The following TBC1D5 variants were observed in gnomAD, a reference collection of about 807,000 sequenced individuals.
TBC1D5 encodes the protein TBC1 domain family, member 5.
A neutral mutation model predicts 100.3 loss-of-function variants in TBC1D5; 75 were observed. The ratio of observed to expected loss-of-function variants is 0.75; its 90% confidence interval spans 0.62 to 0.91. The LOEUF is 0.91. TBC1D5 is among the 40% of genes least tolerant of loss of function. The pLI is 0.00. For missense variants in TBC1D5, 910 were observed against 942.4 expected, an observed-to-expected ratio of 0.97 and a Z score of 0.45; for synonymous variants, 323 against 325.6, an observed-to-expected ratio of 0.99 and a Z score of 0.09.
At chr3:17,351,311 CAA>C (rs2090548518) in intron 13 of TBC1D5, among the ~76,000 whole-genome samples, 1 of 152,094 alleles carries the variant, frequency 6.6e-6, no homozygotes, top group Non-Finnish European at 1.5e-5. Flanking sequence ...TTCACAATAG[CAA>C]AGACTTGGAA....
At chr3:17,314,028 G>A (rs972655150) in intron 13 of TBC1D5, among the ~76,000 whole-genome samples, 3 of 152,066 alleles carry the variant, frequency 2.0e-5, no homozygotes, top group African/African-American at 7.2e-5. Context: ...ACCCTGTCTT[G>A]CAGCTCAGGG....
intron 2 of TBC1D5, among the ~76,000 whole-genome samples, chr3:17,597,110 A>G (rs2060624159): frequency 6.6e-6 from 1 of 152,232 alleles, no homozygotes; most frequent in East Asian, 1.9e-4. Flanking sequence ...AGGCAGCTGT[A>G]GTTTTTAAAT....
At chr3:17,496,907 C>T (rs960354757) in intron 3 of TBC1D5, among the ~76,000 whole-genome samples, 3 of 152,136 alleles carry the variant, frequency 2.0e-5, no homozygotes, top group African/African-American at 7.2e-5. Flanking sequence ...TTTACAAAAA[C>T]CTTCTACCTG....
chr3:17,198,252 G>A (rs1257571347), intron 18 of TBC1D5, among the ~76,000 whole-genome samples: 2 of 152,132 alleles, frequency 1.3e-5, no homozygotes, highest in South Asian at 4.1e-4. Flanking sequence ...TCCCAAGAGG[G>A]CCCTGCAGCC....
intron 2 of TBC1D5, among the ~76,000 whole-genome samples, chr3:17,603,145 A>C (rs2061096137): frequency 1.3e-5 from 2 of 150,532 alleles, no homozygotes; most frequent in Non-Finnish European, 2.9e-5. Context: ...AAGATTCTTT[A>C]AGTTTTTTGG....
intron 4 of TBC1D5, among the ~76,000 whole-genome samples, chr3:17,409,220 A>T (rs1008460809): frequency 6.6e-6 from 1 of 152,176 alleles, no homozygotes; most frequent in Non-Finnish European, 1.5e-5. Context: ...AATCTTCACA[A>T]TATTTCCAAC....
At chr3:17,405,946 G>A (rs1269472912) in intron 5 of TBC1D5, among the ~76,000 whole-genome samples, 1 of 152,054 alleles carries the variant, frequency 6.6e-6, no homozygotes. Context: ...CTCTAAAGGA[G>A]AGTGATCCAA....
chr3:17,217,487 A>G (rs995750965), intron 17 of TBC1D5, among the ~76,000 whole-genome samples: 5 of 152,222 alleles, frequency 3.3e-5, no homozygotes, highest in Non-Finnish European at 7.4e-5. Context: ...TTACATTTCC[A>G]TCAGTATTGT....
rs60889092 is a variant in TBC1D5, at chr3:17,591,233, C to CAAAAAAAAAAAAAAA, written c.-36+32601_-36+32615dup. Among the ~76,000 whole-genome samples, 46 of 18,664 alleles carry CAAAAAAAAAAAAAAA rather than the reference C, an allele frequency of 2.5e-3. 7 individuals carry two copies. Among genetic ancestry groups the CAAAAAAAAAAAAAAA allele is most frequent in the Non-Finnish European group, 4.5e-3 (32 of 7,130 alleles). The allele number at this position is 18,664 out of a possible 152,430, so 12.2% of individuals were successfully genotyped here. The stretch of plus-strand genomic sequence containing the variant: ...ACTGGGCTACAAAGAAAGGATCTGT[C>CAAAAAAAAAAAAAAA]AAAAAAAAAAAAAAAAAAAAAAAAA... On this transcript the variant is annotated intron_variant, in intron 2 of 21. Transcript: ENST00000253692.
intron 15 of TBC1D5, among the ~76,000 whole-genome samples, chr3:17,291,191 A>G (rs903252063): frequency 3.9e-5 from 6 of 152,156 alleles, no homozygotes; most frequent in African/African-American, 1.2e-4. Context: ...TCTCTCTCAT[A>G]CTTCTTCCAA....
chr3:17,374,603 A>G, intron 11 of TBC1D5, 26 bp downstream of exon 11: 2 of 1,610,404 alleles, frequency 1.2e-6, no homozygotes, highest in Non-Finnish European at 1.7e-6. Flanking sequence ...ATAAAAAAAT[A>G]AAACAAAGAA....
intron 2 of TBC1D5, among the ~76,000 whole-genome samples, chr3:17,545,744 T>C (rs1213254046): frequency 1.3e-5 from 2 of 152,220 alleles, no homozygotes; most frequent in Non-Finnish European, 2.9e-5. Flanking sequence ...TCCTACTTTA[T>C]TTCTATTGCC....
chr3:17,355,157 T>C (rs2091093515), intron 13 of TBC1D5, among the ~76,000 whole-genome samples: 2 of 152,104 alleles, frequency 1.3e-5, no homozygotes, highest in African/African-American at 4.8e-5. Context: ...GCAAATTGTC[T>C]CCCAGATCCT....
chr3:17,246,254 T>C (rs1576249309), intron 16 of TBC1D5, among the ~76,000 whole-genome samples: 1 of 152,220 alleles, frequency 6.6e-6, no homozygotes, highest in East Asian at 1.9e-4. Context: ...AAAAAAACTA[T>C]AAAACACTGC....
intron 2 of TBC1D5, among the ~76,000 whole-genome samples, chr3:17,539,846 G>T (rs1209536259): frequency 1.3e-5 from 2 of 152,126 alleles, no homozygotes; most frequent in Non-Finnish European, 2.9e-5. Flanking sequence ...CAACCATTTT[G>T]GGGATACACC....
intron 13 of TBC1D5, among the ~76,000 whole-genome samples, chr3:17,327,240 AAG>A (rs2086263547): frequency 6.6e-6 from 1 of 152,206 alleles, no homozygotes. Flanking sequence ...AGTGAAAAAA[AAG>A]ATTGTTATTT....
intron 13 of TBC1D5, among the ~76,000 whole-genome samples, chr3:17,355,605 C>T (rs772220915): frequency 1.3e-5 from 2 of 151,674 alleles, no homozygotes; most frequent in African/African-American, 2.4e-5. Flanking sequence ...TCATCACAGC[C>T]ATTTTCATAA....
Position 17,484,477 on chromosome 3 carries a change from T to C in TBC1D5, c.97+23997A>G, listed in dbSNP as rs192367559. 2.3e-3 allele frequency among the ~76,000 whole-genome samples: 349 copies of C among 149,672 alleles called. 2 individuals carry two copies. Among genetic ancestry groups the C allele is most frequent in the African/African-American group, 8.3e-3 (332 of 40,224 alleles). On this transcript the variant is annotated intron_variant, in intron 3 of 21. Transcript: ENST00000253692. ...CAGGGTGTGTGTGTGTGTGTGTGTG[T>C]GTGTGTGTGTGTTTGGGTAACAATC...
intron 8 of TBC1D5, among the ~76,000 whole-genome samples, chr3:17,397,792 C>G (rs905092440): frequency 2.0e-5 from 3 of 152,022 alleles, no homozygotes; most frequent in Non-Finnish European, 4.4e-5. Context: ...TACAAAAGAT[C>G]AAATATTGAA....
Sources: gnomAD v4.1 joint callset for allele counts (sites outside exome capture counted in the v4.1 genomes callset) on GRCh38, gnomAD v4.1.1 for gene constraint, MANE v1.5 for transcripts, NCBI Gene and HGNC (gene_info 2026-07-23, HGNC 2026-07-21) for gene names.